The following FAM120C variants were observed in gnomAD, a reference collection of about 807,000 sequenced individuals.
FAM120C encodes family with sequence similarity 120 member C.
A neutral mutation model predicts 71.2 loss-of-function variants in FAM120C; 14 were observed. The ratio of observed to expected loss-of-function variants is 0.20; its 90% CI spans 0.13 to 0.31. FAM120C has a LOEUF of 0.31. Ranked by LOEUF, FAM120C falls within the 10% of genes least tolerant of loss-of-function variation. The pLI is 1.00. For synonymous variants in FAM120C, 354 were observed against 353.2 expected (o/e 1.00, Z -0.03); for missense variants, 500 against 879.0 (o/e 0.57, Z 5.45).
At chrX:54,182,180 G>A (rs1458685467) in intron 1 of FAM120C, among the ~76,000 whole-genome samples, 1 of 112,045 alleles carries the variant, frequency 8.9e-6, no homozygotes, top group African/African-American at 3.2e-5. Context: ...AGAAAGATGA[G>A]GCTACAAAAG....
At chrX:54,073,433 C>CT (rs1237792457) in intron 15 of FAM120C, 146 bp from the exon 16 acceptor site, 15,778 of 393,893 alleles carry the variant, frequency 0.04, no homozygotes, top group Middle Eastern at 0.05. Context: ...CTAGTACAAT[C>CT]TTTTTTTTTT....
intron 13 of FAM120C, 73 bp from the exon 14 acceptor site, chrX:54,081,533 A>G: frequency 9.1e-7 from 1 of 1,100,592 alleles, no homozygotes; most frequent in South Asian, 2.2e-5. Flanking sequence ...AAACTTTGGG[A>G]GGCTGAGTCG....
intron 9 of FAM120C, among the ~76,000 whole-genome samples, chrX:54,118,222 T>TA (rs781998925): frequency 0.013 from 1,144 of 90,704 alleles, 15 homozygotes; most frequent in African/African-American, 0.039. Context: ...AAACTCCATC[T>TA]AAAAAAAAAA....
chrX:54,132,578 A>G, intron 9 of FAM120C, 114 bp downstream of exon 9: 1 of 534,107 alleles, frequency 1.9e-6, no homozygotes, highest in Non-Finnish European at 2.9e-6. Flanking sequence ...CATTTTGTTG[A>G]ATGTTGCATT....
chrX:54,087,971 C>A lies in FAM120C; in HGVS notation c.2428-7G>T, dbSNP rs2066803045. The A allele has an allele frequency of 8.4e-7, 1 of 1,189,078 alleles. No individual in the cohort carries two copies. Among genetic ancestry groups the A allele is most frequent in the Non-Finnish European group, 1.1e-6 (1 of 876,663 alleles). ...GGGCATCCAGTTTCTCAATCTGAAA[C>A]CACCACAGATGAAATATTACTATTA... On this transcript the variant is annotated splice_polypyrimidine_tract_variant and splice_region_variant and intron_variant, in intron 11 of 15. Transcript: ENST00000375180.
Position 54,132,820 on chromosome X carries a change from A to G in FAM120C, c.1934T>C (p.Met645Thr), listed in dbSNP as rs782149216. 4 of 1,204,907 alleles carry G rather than the reference A, an allele frequency of 3.3e-6. No homozygotes were observed. Among genetic ancestry groups the G allele is most frequent in the African/African-American group, 1.8e-5 (1 of 57,103 alleles). ...IPVCIEDECN[M>T]ELPPAALLFR... ...TAAGAGAGCAGCTGGAGGCAGCTCC[A>G]TGTTACACTCATCCTCAATACATAC... The change falls in exon 9 of 16, where the codon ATG becomes ACG. Residue 645 changes from methionine to threonine, a missense_variant. Coordinates refer to ENST00000375180, the MANE Select transcript of FAM120C (RefSeq NM_017848.6).
At chrX:54,160,360 C>T (rs2067230229) in intron 1 of FAM120C, among the ~76,000 whole-genome samples, 1 of 110,869 alleles carries the variant, frequency 9.0e-6, no homozygotes, top group Non-Finnish European at 1.9e-5. Context: ...GAAACTACAC[C>T]CCATTTTAGA....
At chrX:54,074,300 T>C (rs1349710872) in intron 15 of FAM120C, among the ~76,000 whole-genome samples, 2 of 112,062 alleles carry the variant, frequency 1.8e-5, no homozygotes, top group African/African-American at 6.5e-5. Context: ...ATTCTACTCC[T>C]CTAAAGTCTG....
chrX:54,111,634 T>C (rs782763286), intron 10 of FAM120C, among the ~76,000 whole-genome samples: 2 of 111,084 alleles, frequency 1.8e-5, no homozygotes, highest in African/African-American at 3.3e-5. Context: ...AGAAATTATA[T>C]ATGACATAAA....
chrX:54,149,639 CAA>C (rs60637077), intron 4 of FAM120C, among the ~76,000 whole-genome samples: 181 of 95,132 alleles, frequency 1.9e-3, no homozygotes, highest in Admixed American at 1.8e-3. Flanking sequence ...GGCATTGTCT[CAA>C]AAAAAAAAAA....
At chrX:54,140,157 G>A (rs1486963528) in intron 4 of FAM120C, among the ~76,000 whole-genome samples, 11 of 107,889 alleles carry the variant, frequency 1.0e-4, no homozygotes, top group Non-Finnish European at 2.1e-4. Flanking sequence ...TTAGCCGGGT[G>A]TGGTGGCGTG....
At chrX:54,130,392 C>G (rs2067060286) in intron 9 of FAM120C, among the ~76,000 whole-genome samples, 1 of 111,448 alleles carries the variant, frequency 9.0e-6, no homozygotes, top group Non-Finnish European at 1.9e-5. Context: ...ATAATTCAAA[C>G]TTCTGTCATC....
chrX:54,135,228 G>A, intron 6 of FAM120C, 117 bp from the exon 7 acceptor site: 1 of 717,084 alleles, frequency 1.4e-6, no homozygotes, highest in Admixed American at 3.7e-5. Flanking sequence ...GAGATACAAA[G>A]CACCTAATGA....
In FAM120C at chrX:54,124,574, G is replaced by A. The variant is rs1230689702; in HGVS notation, c.2063-7780C>T. On this transcript the variant is annotated intron_variant, in intron 9 of 15. Coordinates refer to ENST00000375180, the MANE Select transcript of FAM120C (RefSeq NM_017848.6). ...GTGAGGCAATGCCTCGCCCTGCTTCGGCTCGCGCACGGTGCGCACACACAC... is the reference window on the plus strand; with the variant it reads ...GTGAGGCAATGCCTCGCCCTGCTTCAGCTCGCGCACGGTGCGCACACACAC... Among the ~76,000 whole-genome samples, 5 of 96,911 alleles carry A rather than the reference G, an allele frequency of 5.2e-5. No individual in the cohort carries two copies. In the South Asian group the frequency reaches 1.7e-3, roughly 33 times the overall value. The allele number at this position is 96,911 out of a possible 115,157, so 84.2% of individuals were successfully genotyped here.
In FAM120C at chrX:54,087,956, T is replaced by C; in HGVS notation, c.2436A>G (p.Lys812=). The change falls in exon 12 of 16, where the codon AAA becomes AAG. Residue 812 remains lysine, a synonymous_variant. Coordinates refer to ENST00000375180, the MANE Select transcript of FAM120C (RefSeq NM_017848.6). ...PDRLQELKIE[K]LDARGIQLAA... ...CAAGCTGGATCCCTCGGGCATCCAG[T>C]TTCTCAATCTGAAACCACCACAGAT... The C allele has an allele frequency of 8.3e-7, 1 of 1,205,370 alleles. No individual in the cohort carries two copies. Among genetic ancestry groups the C allele is most frequent in the Non-Finnish European group, 1.1e-6 (1 of 890,775 alleles).
In FAM120C at chrX:54,087,974, C is replaced by A; in HGVS notation, c.2428-10G>T. The A allele has an allele frequency of 8.5e-7, 1 of 1,181,921 alleles. No individual in the cohort carries two copies. Among genetic ancestry groups the A allele is most frequent in the Non-Finnish European group, 1.1e-6 (1 of 870,997 alleles). On this transcript the variant is annotated splice_polypyrimidine_tract_variant and intron_variant, in intron 11 of 15. Transcript: ENST00000375180. ...CATCCAGTTTCTCAATCTGAAACCA[C>A]CACAGATGAAATATTACTATTAAGA...
At chrX:54,129,269 C>T (rs782239472) in intron 9 of FAM120C, among the ~76,000 whole-genome samples, 1,866 of 101,142 alleles carry the variant, frequency 0.018, 40 homozygotes, top group Admixed American at 0.075. Flanking sequence ...TCAGACGGGG[C>T]GGCTGCCGGG....
In FAM120C at chrX:54,071,392, T is replaced by C. The variant is rs2066708063; in HGVS notation, c.*1641A>G. ...CTTCCTTGCAAAGCAAATGAAAAGA[T>C]CCAGTAGTCAGAATGTCAATGAACA... On this transcript the variant is annotated 3_prime_UTR_variant, in exon 16 of 16. Coordinates refer to ENST00000375180, the MANE Select transcript of FAM120C (RefSeq NM_017848.6). 1 of 112,771 alleles carries C rather than the reference T, an allele frequency of 8.9e-6. No individual in the cohort carries two copies. Among genetic ancestry groups the C allele is most frequent in the African/African-American group, 3.2e-5 (1 of 31,107 alleles). The allele number at this position is 112,771 out of a possible 1,213,427, so 9.3% of individuals were successfully genotyped here.
rs782363734 is a variant in FAM120C, at chrX:54,135,540, A to T, written c.1323T>A (p.Ala441=). Residue 441 remains alanine, a synonymous_variant, in exon 6 of 16, where the codon GCT becomes GCA. Coordinates refer to ENST00000375180, the MANE Select transcript of FAM120C (RefSeq NM_017848.6). ...LPRNQVGTIS[A]GKPMFSHQVP... ...AAAGGATGCTTACCATTGGCTTTCC[A>T]GCAGAAATGGTGCCCACTTGATTTC... 8.3e-7 allele frequency: 1 copy of T among 1,210,315 alleles called. No individual in the cohort carries two copies. The highest frequency in any genetic ancestry group is 1.8e-5 in the South Asian group (1 of 56,631).
Sources: allele counts gnomAD v4.1 joint callset (sites outside exome capture counted in the v4.1 genomes callset), GRCh38; gene constraint gnomAD v4.1.1; transcripts MANE v1.5; gene names NCBI Gene and HGNC (gene_info 2026-07-23, HGNC 2026-07-21).